The following JAKMIP2 variants were observed in gnomAD, a reference collection of about 807,000 sequenced individuals.
JAKMIP2 encodes janus kinase and microtubule-interacting protein 2.
JAKMIP2 carries 25 observed loss-of-function variants against 115.0 expected under a neutral mutation model. That is an observed-to-expected ratio of 0.22 (90% CI 0.16 to 0.30). JAKMIP2 has a LOEUF of 0.30. Ranked by LOEUF, JAKMIP2 falls within the 10% of genes least tolerant of loss-of-function variation. JAKMIP2 has a pLI of 1.00. For missense variants in JAKMIP2, 642 were observed against 957.6 expected, an observed-to-expected ratio of 0.67 and a Z score of 4.35; for synonymous variants, 334 against 343.6, an observed-to-expected ratio of 0.97 and a Z score of 0.31.
intron 1 of JAKMIP2, among the ~76,000 whole-genome samples, chr5:147,759,362 A>G (rs1346085616): frequency 1.3e-5 from 2 of 152,146 alleles, no homozygotes; most frequent in Non-Finnish European, 2.9e-5. Context: ...TTTTTTAAAG[A>G]TAGTTTTGTG....
intron 3 of JAKMIP2, 75 bp from the exon 4 acceptor site, chr5:147,650,622 T>A: frequency 8.9e-7 from 1 of 1,120,532 alleles, no homozygotes; most frequent in Non-Finnish European, 1.3e-6. Flanking sequence ...GGTGTAGGTT[T>A]AACTTCTTTT....
chr5:147,681,345 A>T (rs1439677986), intron 1 of JAKMIP2, among the ~76,000 whole-genome samples: 1 of 152,174 alleles, frequency 6.6e-6, no homozygotes, highest in Non-Finnish European at 1.5e-5. Context: ...GACTTTGCTC[A>T]TGCAATTCTT....
chr5:147,659,956 A>G (rs545348533), intron 3 of JAKMIP2, among the ~76,000 whole-genome samples: 70 of 152,334 alleles, frequency 4.6e-4, no homozygotes, highest in African/African-American at 1.4e-3. Flanking sequence ...CGAGGAACAT[A>G]ATTAGAATTC....
intron 20 of JAKMIP2, among the ~76,000 whole-genome samples, chr5:147,611,309 G>T (rs565791776): frequency 1.3e-5 from 2 of 152,192 alleles, no homozygotes; most frequent in Non-Finnish European, 2.9e-5. Flanking sequence ...CAGGGCCCTT[G>T]TGGTGTAGGC....
At chr5:147,673,524 G>A (rs1759754582) in intron 1 of JAKMIP2, among the ~76,000 whole-genome samples, 1 of 152,138 alleles carries the variant, frequency 6.6e-6, no homozygotes, top group African/African-American at 2.4e-5. Context: ...GGGGGAAGGG[G>A]GCAGGGAGAG....
Position 147,618,039 on chromosome 5 carries a change from T to C in JAKMIP2, c.2218A>G (p.Ser740Gly). Residue 740 changes from serine (S) to glycine (G), a missense_variant, in exon 19 of 22, where the codon AGT (serine) becomes GGT (glycine). Physicochemically the swap from Ser to Gly is moderately conservative, Grantham distance 56 (BLOSUM62 0). This residue lies in a region of JAKMIP2 where 68 missense variants were observed against 104.6 expected (regional missense o/e 0.65). Coordinates refer to ENST00000616793, the MANE Select transcript of JAKMIP2 (RefSeq NM_001270941.2). ...ETVIKFGELL[S>G]EKQQEELRTA... is the part of the protein sequence containing the mutation. ...CTCAGCTCCTCTTGCTGTTTTTCAC[T>C]TAATAATTCACCAAACTTGATAACA... 6.2e-7 allele frequency: 1 copy of C among 1,614,152 alleles called. No homozygotes were observed. The highest frequency in any genetic ancestry group is 8.5e-7 in the Non-Finnish European group (1 of 1,179,980).
chr5:147,780,968 A>G (rs1267702480), intron 1 of JAKMIP2, among the ~76,000 whole-genome samples: 2 of 152,198 alleles, frequency 1.3e-5, no homozygotes, highest in African/African-American at 2.4e-5. Flanking sequence ...CTTTAATTCA[A>G]TGAAATCCAT....
chr5:147,768,435 C>G (rs1755230465), intron 1 of JAKMIP2, among the ~76,000 whole-genome samples: 1 of 152,106 alleles, frequency 6.6e-6, no homozygotes, highest in South Asian at 2.1e-4. Flanking sequence ...TCACAAATAC[C>G]TTTTTGCATT....
intron 18 of JAKMIP2, among the ~76,000 whole-genome samples, chr5:147,620,404 C>T (rs113606269): frequency 0.012 from 1,756 of 152,190 alleles, 32 homozygotes; most frequent in African/African-American, 0.04. Flanking sequence ...GCATGAGGCA[C>T]CACGTCTGGC....
At chr5:147,691,226 A>T (rs188410819) in intron 1 of JAKMIP2, among the ~76,000 whole-genome samples, 16 of 152,170 alleles carry the variant, frequency 1.1e-4, no homozygotes, top group African/African-American at 3.9e-4. Context: ...TTCCATTATT[A>T]AAATGATTAA....
chr5:147,676,019 C>T lies in JAKMIP2; in HGVS notation c.-148-4065G>A, dbSNP rs916527878. 1.2e-4 allele frequency among the ~76,000 whole-genome samples: 18 copies of T among 152,226 alleles called. No individual in the cohort carries two copies. The East Asian group carries it at 3.3e-3, about 28-fold the overall frequency. On this transcript the variant is annotated intron_variant, in intron 1 of 21. Coordinates refer to ENST00000616793, the MANE Select transcript of JAKMIP2 (RefSeq NM_001270941.2). ...AGAAGCTGCCAGCCATCACAAGGGACATCACTCTTGAGTGCAAAAAAGAGA... is the reference window on the plus strand; with the variant it reads ...AGAAGCTGCCAGCCATCACAAGGGATATCACTCTTGAGTGCAAAAAAGAGA...
chr5:147,708,566 CTTG>C (rs1345486526), intron 1 of JAKMIP2, among the ~76,000 whole-genome samples: 3 of 152,066 alleles, frequency 2.0e-5, no homozygotes, highest in African/African-American at 4.8e-5. Context: ...GTTCTGTAAC[CTTG>C]TTATTTTTCA....
At chr5:147,769,740 G>A (rs115140339) in intron 1 of JAKMIP2, among the ~76,000 whole-genome samples, 54 of 139,804 alleles carry the variant, frequency 3.9e-4, no homozygotes, top group Non-Finnish European at 4.8e-4. Context: ...TGTGTAGAGC[G>A]CCTGGATCCT....
At chr5:147,624,396 TG>T (rs1273106165) in intron 16 of JAKMIP2, among the ~76,000 whole-genome samples, 1 of 152,000 alleles carries the variant, frequency 6.6e-6, no homozygotes, top group Non-Finnish European at 1.5e-5. Context: ...AAGTTCCAAG[TG>T]GAAGGGACAA....
rs1036087947 is a variant in JAKMIP2 at position 147,587,208 on chromosome 5, T to A, written c.*4499A>T. On this transcript the variant is annotated 3_prime_UTR_variant, in exon 22 of 22. Transcript: ENST00000616793. ...ATATTGGAAGCATAAACTCATGACA[T>A]AAACAGTCATCTAAGATTTGCTTTG... The A allele has an allele frequency of 6.6e-6, 1 of 152,190 alleles. No individual in the cohort carries two copies. Among genetic ancestry groups the A allele is most frequent in the Non-Finnish European group, 1.5e-5 (1 of 68,028 alleles). The allele number at this position is 152,190 out of a possible 1,614,324, so 9.4% of individuals were successfully genotyped here. A position where few individuals can be genotyped will look rare whatever the true frequency, so the allele number is the denominator to read the frequency against.
chr5:147,620,860 G>T, intron 17 of JAKMIP2, 117 bp from the exon 18 acceptor site: 1 of 709,160 alleles, frequency 1.4e-6, no homozygotes, highest in South Asian at 1.9e-5. Flanking sequence ...AGTATTTGTA[G>T]AGTCATAAAT....
chr5:147,712,529 G>A (rs1347275566), intron 1 of JAKMIP2, among the ~76,000 whole-genome samples: 2 of 152,126 alleles, frequency 1.3e-5, no homozygotes, highest in African/African-American at 4.8e-5. Flanking sequence ...GGAGCAAATA[G>A]GCCAGGGAAC....
At chr5:147,767,316 A>G (rs899592873) in intron 1 of JAKMIP2, among the ~76,000 whole-genome samples, 1 of 152,206 alleles carries the variant, frequency 6.6e-6, no homozygotes, top group African/African-American at 2.4e-5. Flanking sequence ...ACAGTCACAA[A>G]GTCATAAACA....
chr5:147,684,556 T>C (rs1003866501), intron 1 of JAKMIP2, among the ~76,000 whole-genome samples: 12 of 152,154 alleles, frequency 7.9e-5, no homozygotes, highest in Non-Finnish European at 1.3e-4. Flanking sequence ...TGGAGATAAG[T>C]GTGAGGAATA....
Sources: allele counts gnomAD v4.1 joint callset (sites outside exome capture counted in the v4.1 genomes callset), GRCh38; gene constraint gnomAD v4.1.1; regional missense constraint gnomAD v4.1.1; transcripts MANE v1.5; gene names NCBI Gene and HGNC (gene_info 2026-07-23, HGNC 2026-07-21).